PLA2G12A: variants seen among roughly 807,000 people sequenced by gnomAD.
PLA2G12A encodes phospholipase A2 group XIIA, also known as group XIIA secretory phospholipase A2.
A neutral mutation model predicts 16.0 loss-of-function variants in PLA2G12A; 11 were observed. The ratio of observed to expected loss-of-function variants is 0.69; its 90% confidence interval spans 0.43 to 1.13. The LOEUF (loss-of-function observed/expected upper bound fraction) is 1.13. Ranked by LOEUF, PLA2G12A falls within the 50% of genes most tolerant of loss-of-function variation. PLA2G12A has a pLI of 0.00. For synonymous variants in PLA2G12A, 77 were observed against 93.8 expected (o/e 0.82, Z 1.03); for missense variants, 214 against 237.3 (o/e 0.90, Z 0.65).
intron 3 of PLA2G12A, among the ~76,000 whole-genome samples, chr4:109,715,172 ACTTT>A (rs915111085): frequency 4.6e-5 from 7 of 152,150 alleles, no homozygotes; most frequent in Non-Finnish European, 8.8e-5. Context: ...CAGTGTTTTA[ACTTT>A]CTTTTTATTT....
chr4:109,729,947 C>A lies in PLA2G12A; in HGVS notation c.-138G>T. 1.4e-6 allele frequency: 1 copy of A among 702,566 alleles called. No individual in the cohort carries two copies. Among genetic ancestry groups the A allele is most frequent in the Non-Finnish European group, 2.2e-6 (1 of 450,236 alleles). The allele number at this position is 702,566 out of a possible 1,614,324, so 43.5% of individuals were successfully genotyped here. On this transcript the variant is annotated 5_prime_UTR_variant, in exon 1 of 4. Transcript: ENST00000243501. ...CTCCATATCCACGCCTCCTTCCCGG[C>A]TGGCCCTCAGGATCTCGCTGTCTTT...
At chr4:109,716,434 A>C (rs1367499922) in intron 3 of PLA2G12A, among the ~76,000 whole-genome samples, 1 of 152,218 alleles carries the variant, frequency 6.6e-6, no homozygotes, top group Non-Finnish European at 1.5e-5. Context: ...AACATGAATA[A>C]AATATCTAGC....
At chr4:109,714,663 A>G (rs548315690) in intron 3 of PLA2G12A, among the ~76,000 whole-genome samples, 168 bp from the exon 4 acceptor site, 2 of 151,876 alleles carry the variant, frequency 1.3e-5, no homozygotes, top group Admixed American at 6.6e-5. Flanking sequence ...ACACACATAT[A>G]TATCTACAGA....
chr4:109,729,806 C>T lies in PLA2G12A; in HGVS notation c.4G>A (p.Ala2Thr). The change falls in exon 1 of 4, where the codon GCC becomes ACC. Residue 2 changes from alanine to threonine, a missense_variant. Physicochemically the swap from Ala to Thr is moderately conservative, Grantham distance 58 (BLOSUM62 0). Transcript: ENST00000243501. Reference protein sequence around the residue: MALLSRPALTLL... With the variant: MTLLSRPALTLL... ...GTGAGCGCGGGGCGCGAGAGCAGGG[C>T]CATGCGCGCAGCGCCGGGCTCTACG... 1 of 1,549,926 alleles carries T rather than the reference C, an allele frequency of 6.5e-7. No homozygotes were observed. Among genetic ancestry groups the T allele is most frequent in the Non-Finnish European group, 8.7e-7 (1 of 1,147,304 alleles).
intron 2 of PLA2G12A, 92 bp downstream of exon 2, chr4:109,718,591 T>C: frequency 1.0e-6 from 1 of 982,148 alleles, no homozygotes; most frequent in South Asian, 1.6e-5. Context: ...AAATTATTTG[T>C]GAATCTAAGA....
Position 109,730,001 on chromosome 4 carries a change from G to A in PLA2G12A, c.-192C>T, listed in dbSNP as rs1723024166. On this transcript the variant is annotated 5_prime_UTR_variant, in exon 1 of 4. The change creates a new upstream start codon in the 5' untranslated region. Transcript: ENST00000243501. ...TGAACCGCCTCGGGCAGGCAGCGCC[G>A]TCGCGGGGACGCGCCCGCTCACCTG... The A allele has an allele frequency of 1.9e-6, 1 of 533,110 alleles. No homozygotes were observed. The highest frequency in any genetic ancestry group is 2.6e-5 in the South Asian group (1 of 38,838). The allele number at this position is 533,110 out of a possible 1,614,324, so 33.0% of individuals were successfully genotyped here.
chr4:109,729,583 G>A lies in PLA2G12A; in HGVS notation c.208+19C>T, dbSNP rs768509071. 9 of 1,600,850 alleles carry A rather than the reference G, an allele frequency of 5.6e-6. No individual in the cohort carries two copies. The South Asian group carries it at 9.9e-5, about 18-fold the overall frequency. ...CCCCCGAAAGCACGAGCCCTCGCTG[G>A]GCCCGGGTGCCCCCTCACCGTCACT... On this transcript the variant is annotated intron_variant, in intron 1 of 3. Coordinates refer to ENST00000243501, the MANE Select transcript of PLA2G12A (RefSeq NM_030821.5).
Position 109,711,087 on chromosome 4 carries a change from T to G in PLA2G12A, c.*3290A>C, listed in dbSNP as rs1340048172. ...TTTTTTTTTTTTTTTGCTCTTTTAA[T>G]GAGTTTATTCTGTCAATAGGGAAAA... is the stretch of plus-strand genomic sequence containing the variant. On this transcript the variant is annotated 3_prime_UTR_variant, in exon 4 of 4. Coordinates refer to ENST00000243501, the MANE Select transcript of PLA2G12A (RefSeq NM_030821.5). The G allele has an allele frequency of 1.5e-5, 2 of 134,706 alleles. No homozygotes were observed. The highest frequency in any genetic ancestry group is 3.1e-5 in the Non-Finnish European group (2 of 64,500). 8.3% of individuals were successfully genotyped at this position (134,706 alleles called of 1,614,324 possible).
intron 1 of PLA2G12A, among the ~76,000 whole-genome samples, chr4:109,728,670 T>C (rs1242474824): frequency 6.6e-6 from 1 of 152,242 alleles, no homozygotes; most frequent in African/African-American, 2.4e-5. Context: ...TAGGTTTACA[T>C]GATACCAGTT....
chr4:109,725,874 T>C (rs1722925127), intron 1 of PLA2G12A, among the ~76,000 whole-genome samples: 1 of 152,182 alleles, frequency 6.6e-6, no homozygotes, highest in African/African-American at 2.4e-5. Flanking sequence ...CAACCTGCAC[T>C]CCCAAACACT....
Position 109,711,011 on chromosome 4 carries a change from T to C in PLA2G12A, c.*3366A>G, listed in dbSNP as rs1239711232. The C allele has an allele frequency of 6.6e-6, 1 of 150,968 alleles. No homozygotes were observed. Among genetic ancestry groups the C allele is most frequent in the Non-Finnish European group, 1.5e-5 (1 of 67,840 alleles). The allele number at this position is 150,968 out of a possible 1,614,324, so 9.4% of individuals were successfully genotyped here. A position where few individuals can be genotyped will look rare whatever the true frequency, so the allele number is the denominator to read the frequency against. Reference sequence around the variant, plus strand: ...AGGCAGTATTATTTTAAAGTATCAATATTACATTTCTTGCAAAGAGCTGCT... The same window carrying C: ...AGGCAGTATTATTTTAAAGTATCAACATTACATTTCTTGCAAAGAGCTGCT... On this transcript the variant is annotated 3_prime_UTR_variant, in exon 4 of 4. Coordinates refer to ENST00000243501, the MANE Select transcript of PLA2G12A (RefSeq NM_030821.5).
chr4:109,726,891 G>A (rs1481651249), intron 1 of PLA2G12A, among the ~76,000 whole-genome samples: 1 of 150,078 alleles, frequency 6.7e-6, no homozygotes, highest in Non-Finnish European at 1.5e-5. Flanking sequence ...AAGGACATGT[G>A]CCCTTTATTT....
chr4:109,716,038 G>A (rs1361845967), intron 3 of PLA2G12A, among the ~76,000 whole-genome samples: 1 of 152,194 alleles, frequency 6.6e-6, no homozygotes, highest in East Asian at 1.9e-4. Context: ...CACAGAAGTG[G>A]AGAGGCTATG....
chr4:109,723,585 A>G (rs1368422419), intron 1 of PLA2G12A, among the ~76,000 whole-genome samples: 1 of 152,198 alleles, frequency 6.6e-6, no homozygotes, highest in Admixed American at 6.5e-5. Context: ...ACACACTATA[A>G]ATCTCTTCAC....
At chr4:109,719,689 G>A (rs184172988) in intron 1 of PLA2G12A, among the ~76,000 whole-genome samples, 1 of 152,110 alleles carries the variant, frequency 6.6e-6, no homozygotes, top group Admixed American at 6.5e-5. Flanking sequence ...TGGTTTTCCA[G>A]TGCATATAAA....
At chr4:109,719,570 A>G (rs1237357685) in intron 1 of PLA2G12A, among the ~76,000 whole-genome samples, 4 of 152,218 alleles carry the variant, frequency 2.6e-5, no homozygotes, top group Non-Finnish European at 4.4e-5. Context: ...GTACTTCAGA[A>G]ACACCTCACC....
At position 109,721,063 on chromosome 4, in the gene PLA2G12A, C is replaced by A. The variant is rs1730932702; in HGVS notation, c.209-2304G>T. Among the ~76,000 whole-genome samples, 5 of 152,184 alleles carry A rather than the reference C, an allele frequency of 3.3e-5. No homozygotes were observed. The South Asian group carries it at 1.0e-3, about 31-fold the overall frequency. On this transcript the variant is annotated intron_variant, in intron 1 of 3. Coordinates refer to ENST00000243501, the MANE Select transcript of PLA2G12A (RefSeq NM_030821.5). Reference sequence around the variant, plus strand: ...TCCAGCCTGGGCAACAAGAGCGAAACTCTGTCTCAAAAAACAGTAACAACA... The same window carrying A: ...TCCAGCCTGGGCAACAAGAGCGAAAATCTGTCTCAAAAAACAGTAACAACA...
chr4:109,713,204 T>C lies in PLA2G12A; in HGVS notation c.*1173A>G, dbSNP rs375705834. 1 of 152,124 alleles carries C rather than the reference T, an allele frequency of 6.6e-6. No individual in the cohort carries two copies. Among genetic ancestry groups the C allele is most frequent in the Non-Finnish European group, 1.5e-5 (1 of 68,028 alleles). 9.4% of individuals were successfully genotyped at this position (152,124 alleles called of 1,614,324 possible). A position where few individuals can be genotyped will look rare whatever the true frequency, so the allele number is the denominator to read the frequency against. On this transcript the variant is annotated 3_prime_UTR_variant, in exon 4 of 4. Coordinates refer to ENST00000243501, the MANE Select transcript of PLA2G12A (RefSeq NM_030821.5). The stretch of plus-strand genomic sequence containing the variant: ...AGGCTAGGGAAAGGTTAACAACCAG[T>C]AGTCAGCAAAGACCGGTCTAGGAAC...
intron 1 of PLA2G12A, among the ~76,000 whole-genome samples, chr4:109,720,589 AAAAAAAAAAAAAAAAATATATATAT>A (rs1435940926): frequency 4.2e-3 from 199 of 47,882 alleles, no homozygotes; most frequent in East Asian, 0.012. Flanking sequence ...AAAAAAAAAA[AAAAAAAAAAAAAAAAATATATATAT>A]ATATATATAT....
Sources: allele counts gnomAD v4.1 joint callset (sites outside exome capture counted in the v4.1 genomes callset), GRCh38; gene constraint gnomAD v4.1.1; transcripts MANE v1.5; gene names NCBI Gene and HGNC (gene_info 2026-07-23, HGNC 2026-07-21).